Variants in ACAP2 observed in about 807,000 individuals in gnomAD.
ACAP2 encodes ArfGAP with coiled-coil, ankyrin repeat and PH domains 2, also known as arf-GAP with coiled-coil, ANK repeat and PH domain-containing protein 2.
A neutral mutation model predicts 115.8 loss-of-function variants in ACAP2; 39 were observed. The observed-to-expected ratio is 0.34, with a 90% CI of 0.26 to 0.44. ACAP2 has a LOEUF of 0.44. Among genes scored for constraint, ACAP2 ranks in the 20% least tolerant of loss-of-function variants. The probability of loss-of-function intolerance (pLI) is 1.00; values close to 1 mark genes in which losing one functional copy is unlikely to be tolerated. For missense variants in ACAP2, 662 were observed against 927.6 expected (o/e 0.71, Z 3.72); for synonymous variants, 289 against 315.8 (o/e 0.92, Z 0.90).
intron 1 of ACAP2, among the ~76,000 whole-genome samples, chr3:195,411,970 T>G (rs1294255829): frequency 6.6e-6 from 1 of 151,320 alleles, no homozygotes; most frequent in Non-Finnish European, 1.5e-5. Context: ...TAAAGGATTA[T>G]ATCATCACTT....
At chr3:195,333,190 A>G in intron 7 of ACAP2, 67 bp from the exon 8 acceptor site, 2 of 688,276 alleles carry the variant, frequency 2.9e-6, no homozygotes, top group South Asian at 2.5e-5. Flanking sequence ...AATATTACAT[A>G]TATATATAAA....
chr3:195,403,325 G>T (rs946501347), intron 1 of ACAP2, among the ~76,000 whole-genome samples: 1 of 152,212 alleles, frequency 6.6e-6, no homozygotes, highest in African/African-American at 2.4e-5. Flanking sequence ...TAGGCCCATA[G>T]CAACGATAAC....
At chr3:195,374,188 C>T (rs925033831) in intron 4 of ACAP2, among the ~76,000 whole-genome samples, 3 of 152,124 alleles carry the variant, frequency 2.0e-5, no homozygotes, top group African/African-American at 7.2e-5. Flanking sequence ...GAGTTCGAGA[C>T]CAGCCTGGCC....
intron 16 of ACAP2, among the ~76,000 whole-genome samples, chr3:195,296,678 G>A (rs1479295896): frequency 2.6e-5 from 4 of 152,122 alleles, no homozygotes; most frequent in Non-Finnish European, 5.9e-5. Context: ...TCCTTATACA[G>A]AATTGGAAGA....
At chr3:195,326,854 G>C in intron 9 of ACAP2, 31 bp downstream of exon 9, 1 of 1,594,106 alleles carries the variant, frequency 6.3e-7, no homozygotes, top group African/African-American at 1.3e-5. Flanking sequence ...GTATAAAGTG[G>C]AATTAATTTT....
intron 1 of ACAP2, among the ~76,000 whole-genome samples, chr3:195,427,648 T>G (rs547911952): frequency 9.9e-5 from 15 of 152,200 alleles, no homozygotes; most frequent in South Asian, 8.3e-4. Flanking sequence ...AGTGGCTCAC[T>G]CCTGTAATCC....
intron 6 of ACAP2, among the ~76,000 whole-genome samples, chr3:195,339,305 C>T (rs1299033270): frequency 1.3e-5 from 2 of 152,016 alleles, no homozygotes; most frequent in African/African-American, 2.4e-5. Context: ...TAGAGAACTA[C>T]AATATTCACT....
At position 195,333,126 on chromosome 3, in the gene ACAP2, A is replaced by G. The variant is rs745794839; in HGVS notation, c.574-3T>C. On this transcript the variant is annotated splice_polypyrimidine_tract_variant and splice_region_variant and intron_variant, in intron 7 of 22. Transcript: ENST00000326793. ...TGGGCATACATAAATGACAACATCT[A>G]ATAGGGAAAAAAAGATGACCATTTT... 2 of 1,550,270 alleles carry G rather than the reference A, an allele frequency of 1.3e-6. No individual in the cohort carries two copies. The highest frequency in any genetic ancestry group is 1.8e-6 in the Non-Finnish European group (2 of 1,135,222).
chr3:195,407,112 C>T (rs1239452168), intron 1 of ACAP2, among the ~76,000 whole-genome samples: 1 of 149,162 alleles, frequency 6.7e-6, no homozygotes, highest in African/African-American at 2.5e-5. Flanking sequence ...TCTGTACATG[C>T]AATATAAAAA....
At chr3:195,423,339 T>C (rs1346719037) in intron 1 of ACAP2, among the ~76,000 whole-genome samples, 3 of 152,114 alleles carry the variant, frequency 2.0e-5, no homozygotes, top group African/African-American at 7.2e-5. Flanking sequence ...TACAAGTATT[T>C]CGGCCGGGCA....
At chr3:195,342,312 A>C (rs1314357598) in intron 6 of ACAP2, among the ~76,000 whole-genome samples, 159 bp downstream of exon 6, 1 of 152,240 alleles carries the variant, frequency 6.6e-6, no homozygotes, top group African/African-American at 2.4e-5. Context: ...ACACACAGGT[A>C]CACTAATAGC....
chr3:195,298,307 G>T (rs556663458), intron 15 of ACAP2, among the ~76,000 whole-genome samples: 6 of 144,320 alleles, frequency 4.2e-5, no homozygotes, highest in Non-Finnish European at 9.0e-5. Context: ...CTAGGCGGTA[G>T]TGCAGTGGCA....
intron 2 of ACAP2, among the ~76,000 whole-genome samples, chr3:195,388,707 A>G (rs959270206): frequency 1.3e-5 from 2 of 152,180 alleles, no homozygotes; most frequent in African/African-American, 4.8e-5. Flanking sequence ...TAGTTTCTAA[A>G]ATAAAAATAA....
intron 1 of ACAP2, among the ~76,000 whole-genome samples, chr3:195,440,364 ATTGAT>A (rs1418902688): frequency 6.6e-6 from 1 of 152,216 alleles, no homozygotes; most frequent in Non-Finnish European, 1.5e-5. Context: ...TATTCTCCTC[ATTGAT>A]TTAACAGGAA....
chr3:195,294,163 T>A (rs78882571), intron 18 of ACAP2, among the ~76,000 whole-genome samples: 3,281 of 151,930 alleles, frequency 0.022, 116 homozygotes, highest in East Asian at 0.1. Context: ...ATAAAAATTT[T>A]AAAAAGTATA....
chr3:195,369,863 A>C (rs1733000942), intron 4 of ACAP2, among the ~76,000 whole-genome samples: 1 of 152,166 alleles, frequency 6.6e-6, no homozygotes, highest in African/African-American at 2.4e-5. Context: ...GAACCAATTT[A>C]CACTTCCATC....
At chr3:195,285,637 TA>T in intron 22 of ACAP2, 158 bp downstream of exon 22, 1 of 632,428 alleles carries the variant, frequency 1.6e-6, no homozygotes, top group Admixed American at 3.0e-5. Context: ...TTAAGTACAG[TA>T]CAAAGCTAAC....
intron 5 of ACAP2, 140 bp from the exon 6 acceptor site, chr3:195,342,794 G>C (rs1241489620): frequency 7.2e-6 from 4 of 556,304 alleles, no homozygotes; most frequent in African/African-American, 3.9e-5. Context: ...AAGAGATCGA[G>C]ACCATCCTGG....
intron 15 of ACAP2, among the ~76,000 whole-genome samples, chr3:195,298,468 C>G (rs1727804371): frequency 6.6e-6 from 1 of 151,948 alleles, no homozygotes; most frequent in South Asian, 2.1e-4. Context: ...GTTGGCCAGG[C>G]TGGTCTCAAA....
Sources: allele counts gnomAD v4.1 joint callset (sites outside exome capture counted in the v4.1 genomes callset), GRCh38; gene constraint gnomAD v4.1.1; transcripts MANE v1.5; gene names NCBI Gene and HGNC (gene_info 2026-07-23, HGNC 2026-07-21).